The following MIS18A variants were observed in gnomAD, a reference collection of about 807,000 sequenced individuals.
MIS18A encodes the protein MIS18 kinetochore protein A.
MIS18A carries 14 observed loss-of-function variants against 25.0 expected under a neutral mutation model. The observed-to-expected ratio is 0.56, with a 90% CI of 0.37 to 0.88. The LOEUF (loss-of-function observed/expected upper bound fraction) is 0.88. Among genes scored for constraint, MIS18A ranks in the 40% least tolerant of loss-of-function variants. The pLI is 0.00. For synonymous variants in MIS18A, 134 were observed against 118.6 expected (o/e 1.13, Z -0.84); for missense variants, 292 against 290.8 (o/e 1.00, Z -0.03).
At chr21:32,263,204 A>G in the MIS18A span, among the ~76,000 whole-genome samples, 4 of 152,374 alleles carry the variant, frequency 2.6e-5, no homozygotes, top group African/African-American at 9.6e-5. Context: ...AAATAGATGT[A>G]CATAACATCA....
chr21:32,184,039 A>G, the MIS18A span, among the ~76,000 whole-genome samples: 15 of 152,046 alleles, frequency 9.9e-5, no homozygotes, highest in Non-Finnish European at 1.2e-4. Context: ...TCAATTTCTA[A>G]ACCCCCACTC....
At chr21:32,221,019 A>G in the MIS18A span, among the ~76,000 whole-genome samples, 1 of 152,188 alleles carries the variant, frequency 6.6e-6, no homozygotes, top group African/African-American at 2.4e-5. Context: ...TGTACCTGAA[A>G]GTGATGGGGA....
rs377622439 is a variant in MIS18A, at chr21:32,268,940, C to CTT, written c.*95_*96dup. The CTT allele has an allele frequency of 8.2e-4, 453 of 550,362 alleles. No homozygotes were observed. The highest frequency in any genetic ancestry group is 1.3e-3 in the African/African-American group (55 of 43,204). The allele number at this position is 550,362 out of a possible 1,614,324, so 34.1% of individuals were successfully genotyped here. Reference sequence around the variant, plus strand: ...CGCATGCCTGGCTAATTTTTTTTTTCTTTTTTTTTTTGTAGAGACGACGTC... The same window carrying CTT: ...CGCATGCCTGGCTAATTTTTTTTTTCTTTTTTTTTTTTTGTAGAGACGACGTC... On this transcript the variant is annotated 3_prime_UTR_variant, in exon 5 of 5. Coordinates refer to ENST00000290130, the MANE Select transcript of MIS18A (RefSeq NM_018944.3).
the MIS18A span, among the ~76,000 whole-genome samples, chr21:32,258,887 C>T: frequency 7.4e-6 from 1 of 134,466 alleles, no homozygotes; most frequent in African/African-American, 3.1e-5. Context: ...TACTTACTTA[C>T]TTACTTACTT....
At chr21:32,260,409 G>C in the MIS18A span, 2 of 152,290 alleles carry the variant, frequency 1.3e-5, no homozygotes, top group African/African-American at 4.8e-5. Context: ...GAGACAGAGA[G>C]TACACAGGGC....
downstream of MIS18A, among the ~76,000 whole-genome samples, chr21:32,266,468 T>C (rs1460529968): frequency 1.3e-5 from 2 of 152,212 alleles, no homozygotes; most frequent in Non-Finnish European, 2.9e-5. Flanking sequence ...TAAATCTTGC[T>C]ACTGCTCACT....
the MIS18A span, among the ~76,000 whole-genome samples, chr21:32,163,847 T>C: frequency 6.6e-6 from 1 of 152,108 alleles, no homozygotes; most frequent in South Asian, 2.1e-4. Flanking sequence ...TTGTTTGTGT[T>C]GCTATAAAGG....
chr21:32,198,957 C>A, the MIS18A span, among the ~76,000 whole-genome samples: 1 of 151,806 alleles, frequency 6.6e-6, no homozygotes, highest in Admixed American at 6.6e-5. Flanking sequence ...GGGCACCATC[C>A]CAGAGGCACT....
the MIS18A span, among the ~76,000 whole-genome samples, chr21:32,210,287 G>A: frequency 3.4e-4 from 51 of 152,232 alleles, no homozygotes; most frequent in African/African-American, 1.1e-3. Context: ...TTGTACAACC[G>A]TATTTTAAAA....
the MIS18A span, among the ~76,000 whole-genome samples, chr21:32,189,533 T>G: frequency 1.3e-5 from 2 of 152,224 alleles, no homozygotes; most frequent in Non-Finnish European, 2.9e-5. Flanking sequence ...CCTGCCTTGG[T>G]CTACCAAAGT....
At chr21:32,222,650 A>C in the MIS18A span, among the ~76,000 whole-genome samples, 2 of 152,072 alleles carry the variant, frequency 1.3e-5, no homozygotes, top group Admixed American at 6.6e-5. Flanking sequence ...ACTCAAAACC[A>C]GCCAGGCGTG....
chr21:32,239,089 T>C, the MIS18A span, among the ~76,000 whole-genome samples: 2 of 152,234 alleles, frequency 1.3e-5, no homozygotes, highest in African/African-American at 4.8e-5. Context: ...ATTAACAGCA[T>C]TTACACCTGT....
chr21:32,182,454 T>C, the MIS18A span, among the ~76,000 whole-genome samples: 1 of 152,348 alleles, frequency 6.6e-6, no homozygotes, highest in African/African-American at 2.4e-5. Context: ...CAACTGCACA[T>C]GGCTCTTTTT....
the MIS18A span, among the ~76,000 whole-genome samples, chr21:32,242,115 C>T: frequency 1.2e-4 from 19 of 152,336 alleles, no homozygotes; most frequent in African/African-American, 4.6e-4. Context: ...CTCCTGACCT[C>T]GTGATCCACC....
chr21:32,180,395 G>A, the MIS18A span, among the ~76,000 whole-genome samples: 826 of 152,234 alleles, frequency 5.4e-3, 7 homozygotes, highest in African/African-American at 0.019. Flanking sequence ...GCTTCCCTCT[G>A]CAACCCACCC....
the MIS18A span, among the ~76,000 whole-genome samples, chr21:32,251,940 ACTC>A: frequency 1.3e-5 from 2 of 151,826 alleles, no homozygotes; most frequent in Non-Finnish European, 2.9e-5. Context: ...TACAAGCAGC[ACTC>A]CTCTTCTTCC....
chr21:32,185,269 C>G, the MIS18A span, among the ~76,000 whole-genome samples: 1 of 152,136 alleles, frequency 6.6e-6, no homozygotes, highest in South Asian at 2.1e-4. Flanking sequence ...CACTCCTCCC[C>G]AGGAGGGACT....
chr21:32,157,926 T>A, the MIS18A span, among the ~76,000 whole-genome samples: 1 of 152,206 alleles, frequency 6.6e-6, no homozygotes, highest in African/African-American at 2.4e-5. Flanking sequence ...ACTTTGAGAA[T>A]TTTAAATTAC....
chr21:32,206,825 T>C, the MIS18A span, among the ~76,000 whole-genome samples: 1 of 152,186 alleles, frequency 6.6e-6, no homozygotes, highest in African/African-American at 2.4e-5. Context: ...CCAGCCACAC[T>C]GCGGGCTGCT....
Sources: allele counts gnomAD v4.1 joint callset (sites outside exome capture counted in the v4.1 genomes callset), GRCh38; gene constraint gnomAD v4.1.1; transcripts MANE v1.5; gene names NCBI Gene and HGNC (gene_info 2026-07-23, HGNC 2026-07-21).